GPRC6A: variants seen among roughly 807,000 people sequenced by gnomAD.
GPRC6A encodes G protein-coupled receptor family C group 6 member A.
GPRC6A carries 54 observed loss-of-function variants against 47.0 expected under a neutral mutation model. The ratio of observed to expected loss-of-function variants is 1.15; its 90% CI spans 0.92 to 1.44. GPRC6A has a LOEUF of 1.44. Ranked by LOEUF, GPRC6A falls within the 40% of genes most tolerant of loss-of-function variation. The pLI, the probability that GPRC6A is intolerant of heterozygous loss-of-function variation, is 0.00. For missense variants in GPRC6A, 1,112 were observed against 1,105.5 expected (o/e 1.01, Z -0.08); for synonymous variants, 347 against 377.1 (o/e 0.92, Z 0.93).
At chr6:116,821,610 A>T (rs1260104495) in intron 1 of GPRC6A, among the ~76,000 whole-genome samples, 1 of 152,024 alleles carries the variant, frequency 6.6e-6, no homozygotes, top group Non-Finnish European at 1.5e-5. Flanking sequence ...GCAATGGGGA[A>T]AGGATTCCCT....
rs1282064208 is a variant in GPRC6A, at chr6:116,809,677, A to T, written c.195-60T>A. 4 of 1,240,536 alleles carry T rather than the reference A, an allele frequency of 3.2e-6. 1 individual carries two copies. The Admixed American group carries it at 7.7e-5, about 24-fold the overall frequency. The allele number at this position is 1,240,536 out of a possible 1,614,324, so 76.8% of individuals were successfully genotyped here. On this transcript the variant is annotated intron_variant, in intron 1 of 5. Transcript: ENST00000310357. ...ATAACTCTTCTATGGACATGGCTGT[A>T]TCTCATTTTGCCTACATCTCCTCAT...
chr6:116,800,850 C>A, intron 3 of GPRC6A, 54 bp from the exon 4 acceptor site: 1 of 1,069,646 alleles, frequency 9.3e-7, no homozygotes, highest in African/African-American at 1.6e-5. Flanking sequence ...GCAAATGTAT[C>A]CATTATTCTA....
intron 2 of GPRC6A, among the ~76,000 whole-genome samples, chr6:116,807,794 A>C (rs1162435743): frequency 6.6e-6 from 1 of 152,158 alleles, no homozygotes; most frequent in African/African-American, 2.4e-5. Context: ...GCTCAAGAGC[A>C]TGAGAACCAC....
chr6:116,802,579 A>T (rs1248818476), intron 3 of GPRC6A, among the ~76,000 whole-genome samples: 1 of 152,166 alleles, frequency 6.6e-6, no homozygotes, highest in East Asian at 1.9e-4. Flanking sequence ...TACTGTGGAA[A>T]GAGGTATCTT....
At chr6:116,811,064 A>G (rs1773007800) in intron 1 of GPRC6A, among the ~76,000 whole-genome samples, 2 of 152,184 alleles carry the variant, frequency 1.3e-5, no homozygotes, top group Admixed American at 1.3e-4. Flanking sequence ...GGGCATACTT[A>G]GCCCATTGCT....
At position 116,819,566 on chromosome 6, in the gene GPRC6A, G is replaced by A. The variant is rs952725018; in HGVS notation, c.194+9254C>T. ...AGGATTAAGAATCTCACTCAAAACC[G>A]CTCAAATACATGGAAACTGAACAAC... is the stretch of plus-strand genomic sequence containing the variant. On this transcript the variant is annotated intron_variant, in intron 1 of 5. Transcript: ENST00000310357. 7.1e-3 allele frequency among the ~76,000 whole-genome samples: 1,077 copies of A among 151,674 alleles called. 10 individuals are homozygous for A. The highest frequency in any genetic ancestry group is 0.018 in the African/African-American group (741 of 41,450).
chr6:116,825,834 T>C (rs570154576), intron 1 of GPRC6A, among the ~76,000 whole-genome samples: 1 of 152,002 alleles, frequency 6.6e-6, no homozygotes, highest in South Asian at 2.1e-4. Flanking sequence ...CAAAACAGCA[T>C]GGTATAAAAA....
rs773862585 is a variant in GPRC6A, at chr6:116,800,761, A to G, written c.1371T>C (p.Asp457=). 3.1e-6 allele frequency: 5 copies of G among 1,610,214 alleles called. No homozygotes were observed. Among genetic ancestry groups the G allele is most frequent in the South Asian group, 1.1e-5 (1 of 91,040 alleles). ...LGVLKNVTFT[D]GWNSFHFDAH... ...CATCAAAATGAAATGAATTCCATCC[A>G]TCAGTGAATGTCACATTTTTTAGCA... The change falls in exon 4 of 6, where the codon GAT becomes GAC. Residue 457 remains aspartate (D), a synonymous_variant. Coordinates refer to ENST00000310357, the MANE Select transcript of GPRC6A (RefSeq NM_148963.4).
chr6:116,823,341 G>T (rs1309013601), intron 1 of GPRC6A, among the ~76,000 whole-genome samples: 2 of 151,998 alleles, frequency 1.3e-5, no homozygotes, highest in Non-Finnish European at 2.9e-5. Context: ...CCCTGGGCAG[G>T]GGCACAATGC....
rs141301100 is a variant in GPRC6A at position 116,800,661 on chromosome 6, T to C, written c.1471A>G (p.Met491Val). Residue 491 changes from methionine to valine, a missense_variant, in exon 4 of 6, where the codon ATG (methionine) becomes GTG (valine). Met to Val is a conservative substitution (Grantham distance 21). Coordinates refer to ENST00000310357, the MANE Select transcript of GPRC6A (RefSeq NM_148963.4). ...EINGHMTVTK[M>V]AEYDLQNDVF... ...TCATTCTGTAGGTCATATTCTGCCATCTTAGTGACAGTCATGTGTCCATTG... is the reference window on the plus strand; with the variant it reads ...TCATTCTGTAGGTCATATTCTGCCACCTTAGTGACAGTCATGTGTCCATTG... 2 of 1,613,094 alleles carry C rather than the reference T, an allele frequency of 1.2e-6. No individual in the cohort carries two copies. The highest frequency in any genetic ancestry group is 2.7e-5 in the African/African-American group (2 of 74,870).
intron 2 of GPRC6A, among the ~76,000 whole-genome samples, chr6:116,807,721 T>C (rs1772900655): frequency 6.6e-6 from 1 of 152,194 alleles, no homozygotes; most frequent in African/African-American, 2.4e-5. Context: ...ATATATAGTC[T>C]CTGTCATATC....
chr6:116,810,961 A>G (rs549667777), intron 1 of GPRC6A, among the ~76,000 whole-genome samples: 1 of 152,206 alleles, frequency 6.6e-6, no homozygotes, highest in South Asian at 2.1e-4. Flanking sequence ...GGCTTCCACT[A>G]TCAGTATTTG....
In GPRC6A at chr6:116,821,874, G is replaced by C. The variant is rs1226493160; in HGVS notation, c.194+6946C>G. 3.6e-3 allele frequency among the ~76,000 whole-genome samples: 522 copies of C among 146,178 alleles called. 2 individuals are homozygous for C. Among genetic ancestry groups the C allele is most frequent in the African/African-American group, 0.012 (448 of 36,806 alleles). Reference sequence around the variant, plus strand: ...AATTGACAAATGGGATCTAATTAAAGTAAAGAGCTTCTGCACAGCAAAAGA... The same window carrying C: ...AATTGACAAATGGGATCTAATTAAACTAAAGAGCTTCTGCACAGCAAAAGA... On this transcript the variant is annotated intron_variant, in intron 1 of 5. Transcript: ENST00000310357.
At chr6:116,820,160 A>G (rs1464019619) in intron 1 of GPRC6A, among the ~76,000 whole-genome samples, 2 of 151,362 alleles carry the variant, frequency 1.3e-5, no homozygotes, top group African/African-American at 4.9e-5. Context: ...TAAACCAGGA[A>G]GAAGTTGAAT....
Position 116,792,239 on chromosome 6 carries a change from C to G in GPRC6A, c.2684G>C (p.Ser895Thr). Residue 895 changes from serine to threonine, a missense_variant, in exon 6 of 6, where the codon AGC becomes ACC. Transcript: ENST00000310357. The part of the protein sequence containing the change: ...SSGKSATWQK[S>T]KDLQAQAFAH... Reference sequence around the variant, plus strand: ...AAATGCTTGTGCCTGAAGATCTTTGCTTTTCTGCCAGGTTGCAGACTTGCC... The same window carrying G: ...AAATGCTTGTGCCTGAAGATCTTTGGTTTTCTGCCAGGTTGCAGACTTGCC... 2 of 1,613,996 alleles carry G rather than the reference C, an allele frequency of 1.2e-6. No individual in the cohort carries two copies. Among genetic ancestry groups the G allele is most frequent in the Non-Finnish European group, 1.7e-6 (2 of 1,179,944 alleles).
intron 1 of GPRC6A, among the ~76,000 whole-genome samples, chr6:116,816,482 C>G (rs1351431524): frequency 1.3e-5 from 2 of 152,224 alleles, no homozygotes; most frequent in Non-Finnish European, 2.9e-5. Context: ...GGGACACAAG[C>G]AGCAGCAGGG....
intron 4 of GPRC6A, among the ~76,000 whole-genome samples, chr6:116,800,084 T>C (rs1772611087): frequency 6.6e-6 from 1 of 152,092 alleles, no homozygotes; most frequent in Non-Finnish European, 1.5e-5. Context: ...GAAGGTGAGT[T>C]CATGAACTAG....
At chr6:116,794,523 C>T (rs1361742157) in intron 5 of GPRC6A, among the ~76,000 whole-genome samples, 1 of 152,142 alleles carries the variant, frequency 6.6e-6, no homozygotes, top group African/African-American at 2.4e-5. Context: ...TTGGAAGCGA[C>T]TTACCCTGTT....
chr6:116,792,645 C>T lies in GPRC6A; in HGVS notation c.2278G>A (p.Ala760Thr). ...LAFGTMLGYI[A>T]ILAFICFIFA... Reference sequence around the variant, plus strand: ...ATGAAGCAAATGAAGGCCAGGATGGCAATGTAGCCCAGCATGGTGCCAAAT... The same window carrying T: ...ATGAAGCAAATGAAGGCCAGGATGGTAATGTAGCCCAGCATGGTGCCAAAT... The change falls in exon 6 of 6, where the codon GCC (alanine) becomes ACC (threonine). Residue 760 changes from alanine (A) to threonine (T), a missense_variant. Coordinates refer to ENST00000310357, the MANE Select transcript of GPRC6A (RefSeq NM_148963.4). 1 of 1,613,496 alleles carries T rather than the reference C, an allele frequency of 6.2e-7. No homozygotes were observed. The highest frequency in any genetic ancestry group is 8.5e-7 in the Non-Finnish European group (1 of 1,179,668).
Sources: gnomAD v4.1 joint callset for allele counts (sites outside exome capture counted in the v4.1 genomes callset) on GRCh38, gnomAD v4.1.1 for gene constraint, MANE v1.5 for transcripts, NCBI Gene and HGNC (gene_info 2026-07-23, HGNC 2026-07-21) for gene names.